The following KCNN4 variants were observed in gnomAD, a reference collection of about 807,000 sequenced individuals.
KCNN4 encodes the protein potassium calcium-activated channel subfamily N member 4.
Under a neutral mutation model 45.2 loss-of-function variants are expected in KCNN4, and 31 were observed. The ratio of observed to expected loss-of-function variants is 0.69; its 90% CI spans 0.52 to 0.92. The LOEUF is 0.92. Among genes scored for constraint, KCNN4 ranks in the 40% least tolerant of loss-of-function variants. The pLI is 0.00. For synonymous variants in KCNN4, 231 were observed against 254.6 expected (o/e 0.91, Z 0.88); for missense variants, 463 against 574.0 (o/e 0.81, Z 1.98).
rs1220219070 is a variant in KCNN4, at chr19:43,772,171, C to A, written c.684-36G>T. On this transcript the variant is annotated intron_variant, in intron 3 of 8. Coordinates refer to ENST00000648319, the MANE Select transcript of KCNN4 (RefSeq NM_002250.3). This position sits in a 1 kb window ranked among gnomAD's most constrained non-coding sequence, Gnocchi z 4.4. ...GGGTAGGTTAGTTCTAAAACCCCAC[C>A]ATAGAGGTTTCCATGATATTCACTC... The A allele has an allele frequency of 6.2e-7, 1 of 1,607,428 alleles. No homozygotes were observed. Among genetic ancestry groups the A allele is most frequent in the African/African-American group, 1.3e-5 (1 of 74,594 alleles).
At position 43,769,476 on chromosome 19, in the gene KCNN4, T is replaced by G. The variant is rs1329707283; in HGVS notation, c.1015A>C (p.Arg339=). The G allele has an allele frequency of 1.9e-6, 3 of 1,614,198 alleles. No individual in the cohort carries two copies. Among genetic ancestry groups the G allele is most frequent in the East Asian group, 4.5e-5 (2 of 44,876 alleles). ...GCGGCCAGCAGCTTGCGCTGATGCC[T>G]GCGGGCAGCATGAGACTCCTTCCTG... is the stretch of plus-strand genomic sequence containing the variant. The part of the protein sequence containing the change: ...TRRKESHAAR[R]HQRKLLAAIN... The change falls in exon 6 of 9, where the codon AGG becomes CGG. Residue 339 remains arginine (R), a synonymous_variant. Coordinates refer to ENST00000648319, the MANE Select transcript of KCNN4 (RefSeq NM_002250.3). The surrounding 1 kb of genome is among the most constrained non-coding windows in gnomAD (Gnocchi z 4.4).
rs765620131 is a variant in KCNN4 at position 43,774,653 on chromosome 19, G to C, written c.256-34C>G. The C allele has an allele frequency of 4.8e-6, 7 of 1,471,118 alleles. No individual in the cohort carries two copies. The African/African-American group carries it at 1.0e-4, about 21-fold the overall frequency. 91.1% of individuals were successfully genotyped at this position (1,471,118 alleles called of 1,614,324 possible). On this transcript the variant is annotated intron_variant, in intron 2 of 8. Transcript: ENST00000648319. The surrounding 1 kb of genome is among the most constrained non-coding windows in gnomAD (Gnocchi z 5.6). ...AGGGGGCCAAGAAGGGAGGGGTCAG[G>C]AGCAGGTCAGGCGCAGGTCAGGCGG... is the stretch of plus-strand genomic sequence containing the variant.
rs758010208 is a variant in KCNN4, at chr19:43,772,385, G to T, written c.684-250C>A. ...TTAGCCACTCTGGGATTTGAGACTG[G>T]GTCTGGCCAATCCCAATGCCGGTAT... On this transcript the variant is annotated intron_variant, in intron 3 of 8. Transcript: ENST00000648319. The surrounding 1 kb of genome is among the most constrained non-coding windows in gnomAD (Gnocchi z 4.4). 6.6e-6 allele frequency among the ~76,000 whole-genome samples: 1 copy of T among 152,124 alleles called. No individual in the cohort carries two copies. The highest frequency in any genetic ancestry group is 2.4e-5 in the African/African-American group (1 of 41,416).
Position 43,766,922 on chromosome 19 carries a change from T to C in KCNN4, c.*171A>G, listed in dbSNP as rs200167286. On this transcript the variant is annotated 3_prime_UTR_variant, in exon 9 of 9. Transcript: ENST00000648319. ...CAGGTGGGCCAAGGCCTACCCACTT[T>C]AGCCAGCGTCCCCTCCAGCAGCCAT... 34 of 154,690 alleles carry C rather than the reference T, an allele frequency of 2.2e-4. No individual in the cohort carries two copies. The allele number at this position is 154,690 out of a possible 1,614,324, so 9.6% of individuals were successfully genotyped here.
rs1456994339 is a variant in KCNN4 at position 43,780,935 on chromosome 19, A to C, written c.-74T>G. ...ACCTCGCAGCACGCACAGGGCAGCC[A>C]CTGTGGCTTGCAGGTCGTCAGCCTG... On this transcript the variant is annotated 5_prime_UTR_variant, in exon 1 of 9. Transcript: ENST00000648319. The C allele has an allele frequency of 1.3e-6, 2 of 1,493,208 alleles. No homozygotes were observed. Among genetic ancestry groups the C allele is most frequent in the Non-Finnish European group, 9.2e-7 (1 of 1,084,578 alleles). The allele number at this position is 1,493,208 out of a possible 1,614,324, so 92.5% of individuals were successfully genotyped here.
In KCNN4 at chr19:43,769,348, T is replaced by A. The variant is rs1969573112; in HGVS notation, c.1049+94A>T. The A allele has an allele frequency of 9.9e-7, 1 of 1,005,534 alleles. No individual in the cohort carries two copies. Among genetic ancestry groups the A allele is most frequent in the Non-Finnish European group, 1.5e-6 (1 of 646,072 alleles). The allele number at this position is 1,005,534 out of a possible 1,614,324, so 62.3% of individuals were successfully genotyped here. ...GAGACCACACCTGGGTGTCCTGACC[T>A]GGACAGGCATGGACATGCACACACA... is the stretch of plus-strand genomic sequence containing the variant. On this transcript the variant is annotated intron_variant, in intron 6 of 8. Transcript: ENST00000648319. The surrounding 1 kb of genome is among the most constrained non-coding windows in gnomAD (Gnocchi z 4.4).
rs1411980597 is a variant in KCNN4 at position 43,774,359 on chromosome 19, G to A, written c.516C>T (p.Gly172=). 9 of 1,608,324 alleles carry A rather than the reference G, an allele frequency of 5.6e-6. No individual in the cohort carries two copies. The highest frequency in any genetic ancestry group is 7.6e-6 in the Non-Finnish European group (9 of 1,177,552). The change falls in exon 3 of 9, where the codon GGC becomes GGT. Residue 172 remains glycine (G), a synonymous_variant. Transcript: ENST00000648319. This position sits in a 1 kb window ranked among gnomAD's most constrained non-coding sequence, Gnocchi z 5.6. ...TGCGGTAGGAAGCGTTGAGCAGGAC[G>A]CCGCTGCGCAGGAGCACGGCGCGGG... The part of the protein sequence containing the change: ...LVPRAVLLRS[G]VLLNASYRSI...
chr19:43,769,562 T>TG lies in KCNN4; in HGVS notation c.931-3dup. The TG allele has an allele frequency of 6.2e-7, 1 of 1,612,422 alleles. No homozygotes were observed. The highest frequency in any genetic ancestry group is 8.5e-7 in the Non-Finnish European group (1 of 1,178,424). On this transcript the variant is annotated splice_polypyrimidine_tract_variant and splice_region_variant and intron_variant, in intron 5 of 8. Transcript: ENST00000648319. This position sits in a 1 kb window ranked among gnomAD's most constrained non-coding sequence, Gnocchi z 4.4. The stretch of plus-strand genomic sequence containing the variant: ...CACTCGGGCAGCGGACTCCTTCATC[T>TG]GGGGGTGGGTGGCACAGTGTCCGTG...
At chr19:43,767,956 G>A (rs1969529377) in intron 7 of KCNN4, among the ~76,000 whole-genome samples, 1 of 152,202 alleles carries the variant, frequency 6.6e-6, no homozygotes, top group Admixed American at 6.5e-5. Context: ...TTACAGCTGA[G>A]GAAACAGGCA....
At chr19:43,767,162 C>T (rs1969500747) in intron 8 of KCNN4, 73 bp from the exon 9 acceptor site, 1 of 232,552 alleles carries the variant, frequency 4.3e-6, no homozygotes, top group Non-Finnish European at 8.9e-6. Flanking sequence ...CACCGAGGTG[C>T]AGACAGAAAC....
chr19:43,773,233 G>T (rs144703732), intron 3 of KCNN4, among the ~76,000 whole-genome samples: 50 of 152,370 alleles, frequency 3.3e-4, no homozygotes, highest in African/African-American at 1.2e-3. Context: ...GGAGGCAGAG[G>T]TTGCAGGGAG....
intron 1 of KCNN4, among the ~76,000 whole-genome samples, chr19:43,777,326 G>GTGTGTGTGTGTGTGTGTGT (rs1555725374): frequency 2.1e-5 from 3 of 141,416 alleles, no homozygotes; most frequent in Non-Finnish European, 3.0e-5. Context: ...TGTGTGTGTG[G>GTGTGTGTGTGTGTGTGTGT]GTGTGTGTGT....
chr19:43,777,316 T>TGG (rs1555725388), intron 1 of KCNN4, among the ~76,000 whole-genome samples: 8 of 149,398 alleles, frequency 5.4e-5, no homozygotes, highest in African/African-American at 2.0e-4. Context: ...TGTGTGTGTG[T>TGG]GTGTGTGTGG....
At position 43,769,321 on chromosome 19, in the gene KCNN4, G is replaced by T; in HGVS notation, c.1049+121C>A. 2 of 798,938 alleles carry T rather than the reference G, an allele frequency of 2.5e-6. No individual in the cohort carries two copies. The highest frequency in any genetic ancestry group is 2.1e-6 in the Non-Finnish European group (1 of 469,478). 49.5% of individuals were successfully genotyped at this position (798,938 alleles called of 1,614,324 possible). ...GATCCAGGTGAGACCTGGATGTTGA[G>T]TGAGACCACACCTGGGTGTCCTGAC... On this transcript the variant is annotated intron_variant, in intron 6 of 8. Coordinates refer to ENST00000648319, the MANE Select transcript of KCNN4 (RefSeq NM_002250.3). The surrounding 1 kb of genome is among the most constrained non-coding windows in gnomAD (Gnocchi z 4.4).
intron 2 of KCNN4, 125 bp downstream of exon 2, chr19:43,776,416 C>G: frequency 1.4e-6 from 1 of 694,218 alleles, no homozygotes; most frequent in South Asian, 1.7e-5. Context: ...AGGGTGTGGA[C>G]GCAGCACCTA....
chr19:43,769,377 C>A lies in KCNN4; in HGVS notation c.1049+65G>T. On this transcript the variant is annotated intron_variant, in intron 6 of 8. Transcript: ENST00000648319. This position sits in a 1 kb window ranked among gnomAD's most constrained non-coding sequence, Gnocchi z 4.4. ...CAGGCATGGACATGCACACACACAG[C>A]CGTGCAGAGAGGTGACTTGGACATG... The A allele has an allele frequency of 7.8e-7, 1 of 1,282,960 alleles. No individual in the cohort carries two copies. The highest frequency in any genetic ancestry group is 1.1e-6 in the Non-Finnish European group (1 of 886,970). 79.5% of individuals were successfully genotyped at this position (1,282,960 alleles called of 1,614,324 possible).
At chr19:43,776,129 A>G (rs1334614556) in intron 2 of KCNN4, among the ~76,000 whole-genome samples, 2 of 32,270 alleles carry the variant, frequency 6.2e-5, no homozygotes, top group Non-Finnish European at 1.6e-4. Context: ...CCTTGTCTCA[A>G]AAAAAAAAAA....
In KCNN4 at chr19:43,780,863, G is replaced by GC. The variant is rs745985252; in HGVS notation, c.-3dup. On this transcript the variant is annotated 5_prime_UTR_variant, in exon 1 of 9. Coordinates refer to ENST00000648319, the MANE Select transcript of KCNN4 (RefSeq NM_002250.3). ...GCCAAGCACCAGATCCCCGCCCATGGCCCCCGGGGTCTTGGGGCTCAGCCA... is the reference window on the plus strand; with the variant it reads ...GCCAAGCACCAGATCCCCGCCCATGGCCCCCCGGGGTCTTGGGGCTCAGCCA... 1.9e-6 allele frequency: 3 copies of GC among 1,613,552 alleles called. No individual in the cohort carries two copies.
intron 4 of KCNN4, among the ~76,000 whole-genome samples, chr19:43,771,499 T>C (rs1969642803): frequency 6.6e-6 from 1 of 152,112 alleles, no homozygotes. Flanking sequence ...CCAGGTAGCC[T>C]GGCCCCACAG....
Sources: gnomAD v4.1 joint callset for allele counts (sites outside exome capture counted in the v4.1 genomes callset) on GRCh38, gnomAD v4.1.1 for gene constraint, Gnocchi (gnomAD v3.1) non-coding constraint, MANE v1.5 for transcripts, NCBI Gene and HGNC (gene_info 2026-07-23, HGNC 2026-07-21) for gene names.